MAP3K4: variants seen among roughly 807,000 people sequenced by gnomAD.
MAP3K4 encodes mitogen-activated protein kinase kinase kinase 4, also known as MAP three kinase 1.
MAP3K4 carries 67 observed loss-of-function variants against 185.6 expected under a neutral mutation model. That is an observed-to-expected ratio of 0.36 (90% CI 0.30 to 0.44). MAP3K4 has a LOEUF of 0.44. Among genes scored for constraint, MAP3K4 ranks in the 20% least tolerant of loss-of-function variants. The pLI, the probability that MAP3K4 is intolerant of heterozygous loss-of-function variation, is 1.00. For synonymous variants in MAP3K4, 702 were observed against 710.4 expected (o/e 0.99, Z 0.19); for missense variants, 1,551 against 1,995.1 (o/e 0.78, Z 4.24).
rs756789748 is a variant in MAP3K4, at chr6:161,073,635, T to TTTTC, written c.2097+35_2097+38dup. ...ATGGTCAGAAGCAGTGGGGAGGAAT[T>TTTTC]TTTCTTTCTTTCTTTGTTTCTTTTT... On this transcript the variant is annotated intron_variant, in intron 5 of 26. Coordinates refer to ENST00000392142, the MANE Select transcript of MAP3K4 (RefSeq NM_005922.4). This position sits in a 1 kb window ranked among gnomAD's most constrained non-coding sequence, Gnocchi z 4.2. 7.6e-6 allele frequency: 12 copies of TTTTC among 1,587,424 alleles called. No homozygotes were observed. Among genetic ancestry groups the TTTTC allele is most frequent in the Non-Finnish European group, 9.4e-6 (11 of 1,168,986 alleles).
intron 1 of MAP3K4, among the ~76,000 whole-genome samples, chr6:161,033,977 A>G (rs1304047989): frequency 1.3e-5 from 2 of 152,172 alleles, no homozygotes; most frequent in Non-Finnish European, 2.9e-5. Context: ...CATTTGTGTT[A>G]GAAAGAGCTC....
Position 161,034,044 on chromosome 6 carries a change from A to T in MAP3K4, c.153-215A>T, listed in dbSNP as rs944979194. 1.3e-5 allele frequency among the ~76,000 whole-genome samples: 2 copies of T among 152,204 alleles called. No homozygotes were observed. The highest frequency in any genetic ancestry group is 2.9e-5 in the Non-Finnish European group (2 of 68,028). ...TCTACCCATGTGGTACTCCTTGTTC[A>T]TGGTAGGAGAAGCGGCAGTCACAAT... On this transcript the variant is annotated intron_variant, in intron 1 of 26. Coordinates refer to ENST00000392142, the MANE Select transcript of MAP3K4 (RefSeq NM_005922.4). The surrounding 1 kb of genome is among the most constrained non-coding windows in gnomAD (Gnocchi z 4.4).
chr6:161,074,677 G>T lies in MAP3K4; in HGVS notation c.2097+1065G>T, dbSNP rs1308408185. ...GTAAGTACACGTTAGATTCATTAGG[G>T]TATATGCATAGATGATTACGTAATG... On this transcript the variant is annotated intron_variant, in intron 5 of 26. Coordinates refer to ENST00000392142, the MANE Select transcript of MAP3K4 (RefSeq NM_005922.4). The surrounding 1 kb of genome is among the most constrained non-coding windows in gnomAD (Gnocchi z 5.0). Among the ~76,000 whole-genome samples the T allele has an allele frequency of 6.6e-6, 1 of 152,184 alleles. No homozygotes were observed. Among genetic ancestry groups the T allele is most frequent in the Non-Finnish European group, 1.5e-5 (1 of 68,032 alleles).
intron 11 of MAP3K4, among the ~76,000 whole-genome samples, chr6:161,090,525 C>T (rs1294027811): frequency 6.9e-6 from 1 of 144,938 alleles, no homozygotes; most frequent in East Asian, 2.0e-4. Flanking sequence ...GAGGGCTGTC[C>T]TGCGCATTGT....
At chr6:161,089,297 G>A (rs1785905002) in intron 10 of MAP3K4, 25 bp from the exon 11 acceptor site, 5 of 1,607,994 alleles carry the variant, frequency 3.1e-6, no homozygotes, top group Non-Finnish European at 4.2e-6. Context: ...TGGTTTTTAT[G>A]TCCTGTGCTT....
Position 161,077,117 on chromosome 6 carries a change from A to G in MAP3K4, c.2097+3505A>G, listed in dbSNP as rs970453147. Among the ~76,000 whole-genome samples, 17 of 152,240 alleles carry G rather than the reference A, an allele frequency of 1.1e-4. No individual in the cohort carries two copies. Among genetic ancestry groups the G allele is most frequent in the Admixed American group, 4.6e-4 (7 of 15,288 alleles). Reference sequence around the variant, plus strand: ...TAGACCAAACAATACTATATATTGTAGTTTCTGTAATAAGAGATTGTTTTA... The same window carrying G: ...TAGACCAAACAATACTATATATTGTGGTTTCTGTAATAAGAGATTGTTTTA... On this transcript the variant is annotated intron_variant, in intron 5 of 26. Transcript: ENST00000392142. This position sits in a 1 kb window ranked among gnomAD's most constrained non-coding sequence, Gnocchi z 4.3.
chr6:161,026,739 T>G (rs1782687991), intron 1 of MAP3K4, among the ~76,000 whole-genome samples: 3 of 147,512 alleles, frequency 2.0e-5, no homozygotes, highest in Admixed American at 2.0e-4. Flanking sequence ...TCTCCTTTTT[T>G]TTTTTTTTTT....
chr6:161,030,975 A>T (rs1398151351), intron 1 of MAP3K4, among the ~76,000 whole-genome samples: 1 of 152,168 alleles, frequency 6.6e-6, no homozygotes, highest in Non-Finnish European at 1.5e-5. Flanking sequence ...ACCATATGAC[A>T]TTTTCCTAAC....
At chr6:161,065,937 CAAAAAA>C (rs34648628) in intron 3 of MAP3K4, among the ~76,000 whole-genome samples, 3 of 78,824 alleles carry the variant, frequency 3.8e-5, no homozygotes, top group South Asian at 1.1e-3. Flanking sequence ...GACTCCGTCT[CAAAAAA>C]AAAAAAAAAA....
In MAP3K4 at chr6:161,114,986, T is replaced by C. The variant is rs1242889293; in HGVS notation, c.4627-137T>C. Reference sequence around the variant, plus strand: ...TCATATGGCCTGTCAACCTAAAATATTGTTTGGCCCTTTCAGTAAAAATTT... The same window carrying C: ...TCATATGGCCTGTCAACCTAAAATACTGTTTGGCCCTTTCAGTAAAAATTT... On this transcript the variant is annotated intron_variant, in intron 25 of 26. Transcript: ENST00000392142. The surrounding 1 kb of genome is among the most constrained non-coding windows in gnomAD (Gnocchi z 4.3). 34 of 656,126 alleles carry C rather than the reference T, an allele frequency of 5.2e-5. No homozygotes were observed. The highest frequency in any genetic ancestry group is 4.9e-5 in the Non-Finnish European group (19 of 384,444). 40.6% of individuals were successfully genotyped at this position (656,126 alleles called of 1,614,324 possible). A position where few individuals can be genotyped will look rare whatever the true frequency, so the allele number is the denominator to read the frequency against.
chr6:161,019,239 C>G (rs1782261858), intron 1 of MAP3K4, among the ~76,000 whole-genome samples: 1 of 152,194 alleles, frequency 6.6e-6, no homozygotes, highest in African/African-American at 2.4e-5. Context: ...ACTGGAAGAT[C>G]ACTGCTTAAA....
Position 161,048,526 on chromosome 6 carries a change from T to C in MAP3K4, c.344-90T>C. 1 of 819,246 alleles carries C rather than the reference T, an allele frequency of 1.2e-6. No homozygotes were observed. The highest frequency in any genetic ancestry group is 1.9e-6 in the Non-Finnish European group (1 of 538,692). The allele number at this position is 819,246 out of a possible 1,614,324, so 50.7% of individuals were successfully genotyped here. ...TCCATTAGCAGTCTGAAAATATAAA[T>C]ATGTGTGAATACCAGTTTTATTGAA... On this transcript the variant is annotated intron_variant, in intron 2 of 26. Transcript: ENST00000392142. The surrounding 1 kb of genome is among the most constrained non-coding windows in gnomAD (Gnocchi z 4.7).
At position 161,074,217 on chromosome 6, in the gene MAP3K4, G is replaced by T. The variant is rs1785070394; in HGVS notation, c.2097+605G>T. On this transcript the variant is annotated intron_variant, in intron 5 of 26. Coordinates refer to ENST00000392142, the MANE Select transcript of MAP3K4 (RefSeq NM_005922.4). This position sits in a 1 kb window ranked among gnomAD's most constrained non-coding sequence, Gnocchi z 5.0. Reference sequence around the variant, plus strand: ...TGAATCTTAAAAAGATGAGTTAAGGGTTAGTTAAGGAACCTGGCACATTTG... The same window carrying T: ...TGAATCTTAAAAAGATGAGTTAAGGTTTAGTTAAGGAACCTGGCACATTTG... 6.6e-6 allele frequency among the ~76,000 whole-genome samples: 1 copy of T among 152,182 alleles called. No homozygotes were observed. The highest frequency in any genetic ancestry group is 1.9e-4 in the East Asian group (1 of 5,196).
intron 1 of MAP3K4, among the ~76,000 whole-genome samples, chr6:160,997,190 G>T (rs1421201486): frequency 1.3e-5 from 2 of 151,644 alleles, no homozygotes; most frequent in Admixed American, 6.6e-5. Flanking sequence ...TTTACTAATG[G>T]TGAGTCTCAG....
Position 161,067,528 on chromosome 6 carries a change from G to A in MAP3K4, c.1708-3080G>A, listed in dbSNP as rs9295139. Among the ~76,000 whole-genome samples, 1,332 of 152,288 alleles carry A rather than the reference G, an allele frequency of 8.7e-3. 22 individuals carry two copies. The highest frequency in any genetic ancestry group is 0.031 in the African/African-American group (1,295 of 41,546). ...TTTAGTGGTTATTTTAGAAATTCTT[G>A]CCTGTTAGGGAAACCCAGGTGTGTA... On this transcript the variant is annotated intron_variant, in intron 3 of 26. Transcript: ENST00000392142. The surrounding 1 kb of genome is among the most constrained non-coding windows in gnomAD (Gnocchi z 6.3).
chr6:161,113,485 T>C (rs956628846), intron 25 of MAP3K4, among the ~76,000 whole-genome samples: 17 of 152,186 alleles, frequency 1.1e-4, no homozygotes, highest in African/African-American at 3.6e-4. Context: ...ACCCATAGAA[T>C]GTGCAACAGA....
At chr6:161,013,025 A>T (rs1335191177) in intron 1 of MAP3K4, among the ~76,000 whole-genome samples, 1 of 152,202 alleles carries the variant, frequency 6.6e-6, no homozygotes, top group Non-Finnish European at 1.5e-5. Flanking sequence ...GGCTGCTCTC[A>T]AAAGAATTTC....
rs5881393 is a variant in MAP3K4 at position 161,107,042 on chromosome 6, ACG to A, written c.4048+345_4048+346del. On this transcript the variant is annotated intron_variant, in intron 20 of 26. Transcript: ENST00000392142. The surrounding 1 kb of genome is among the most constrained non-coding windows in gnomAD (Gnocchi z 6.2). ...CTAGTTTCTCTCTCTCTCTCTACAC[ACG>A]CGCGCGCACACACACACACACACAC... Among the ~76,000 whole-genome samples, 72,251 of 141,522 alleles carry A rather than the reference ACG, an allele frequency of 0.51. 18,075 individuals are homozygous for A. The highest frequency in any genetic ancestry group is 0.68 in the South Asian group (3,125 of 4,606). 92.8% of individuals were successfully genotyped at this position (141,522 alleles called of 152,430 possible). A position where few individuals can be genotyped will look rare whatever the true frequency, so the allele number is the denominator to read the frequency against.
intron 1 of MAP3K4, among the ~76,000 whole-genome samples, chr6:161,012,147 T>C (rs1781878088): frequency 6.6e-6 from 1 of 152,214 alleles, no homozygotes; most frequent in Admixed American, 6.5e-5. Context: ...GTGAGGCTGC[T>C]TTAAGCTTGA....
Sources: gnomAD v4.1 joint callset for allele counts (sites outside exome capture counted in the v4.1 genomes callset) on GRCh38, gnomAD v4.1.1 for gene constraint, Gnocchi (gnomAD v3.1) non-coding constraint, MANE v1.5 for transcripts, NCBI Gene and HGNC (gene_info 2026-07-23, HGNC 2026-07-21) for gene names.